Variants in NKAIN2 observed in about 807,000 individuals in gnomAD.
NKAIN2 encodes sodium/potassium-transporting ATPase subunit beta-1-interacting protein 2.
A neutral mutation model predicts 32.6 loss-of-function variants in NKAIN2; 14 were observed. The observed-to-expected ratio is 0.43, with a 90% confidence interval of 0.28 to 0.67. The LOEUF (loss-of-function observed/expected upper bound fraction) is 0.67. Ranked by LOEUF, NKAIN2 falls within the 30% of genes least tolerant of loss-of-function variation. NKAIN2 has a pLI of 0.17. For synonymous variants in NKAIN2, 80 were observed against 87.2 expected (o/e 0.92, Z 0.46); for missense variants, 198 against 258.3 (o/e 0.77, Z 1.60).
At chr6:124,448,068 TG>T (rs1562191500) in intron 3 of NKAIN2, among the ~76,000 whole-genome samples, 1 of 152,136 alleles carries the variant, frequency 6.6e-6, no homozygotes, top group African/African-American at 2.4e-5. Flanking sequence ...ACATAACATG[TG>T]GTCTGAGTTC....
chr6:124,319,977 G>A (rs1200822939), intron 2 of NKAIN2, among the ~76,000 whole-genome samples: 1 of 152,130 alleles, frequency 6.6e-6, no homozygotes, highest in Non-Finnish European at 1.5e-5. Context: ...AAAATACGTT[G>A]AAAGATGACT....
intron 3 of NKAIN2, among the ~76,000 whole-genome samples, chr6:124,392,677 T>C (rs527505242): frequency 2.6e-5 from 4 of 152,280 alleles, no homozygotes; most frequent in East Asian, 3.9e-4. Flanking sequence ...ATAAAAAGTG[T>C]ATTTATGATA....
chr6:124,508,407 T>G (rs1031079131), intron 3 of NKAIN2, among the ~76,000 whole-genome samples: 2 of 151,946 alleles, frequency 1.3e-5, no homozygotes, highest in Non-Finnish European at 2.9e-5. Flanking sequence ...TGCAGTGGCT[T>G]GATCTCGGCT....
intron 3 of NKAIN2, among the ~76,000 whole-genome samples, chr6:124,653,388 A>C (rs1784432031): frequency 6.6e-6 from 1 of 150,788 alleles, no homozygotes; most frequent in South Asian, 2.1e-4. Flanking sequence ...AAGGCAATGC[A>C]AAGGGGAAGA....
chr6:124,346,890 G>C (rs1798451225), intron 2 of NKAIN2, among the ~76,000 whole-genome samples: 1 of 151,732 alleles, frequency 6.6e-6, no homozygotes, highest in Non-Finnish European at 1.5e-5. Flanking sequence ...ATGTTAGCTG[G>C]TGATTTTGCA....
chr6:124,089,071 T>C (rs1464239472), intron 1 of NKAIN2, among the ~76,000 whole-genome samples: 2 of 152,032 alleles, frequency 1.3e-5, no homozygotes, highest in Non-Finnish European at 2.9e-5. Flanking sequence ...TTAACTAATA[T>C]ATAAAATTTT....
chr6:123,928,338 C>G (rs527340231), intron 1 of NKAIN2, among the ~76,000 whole-genome samples: 15 of 152,222 alleles, frequency 9.9e-5, no homozygotes, highest in African/African-American at 3.6e-4. Flanking sequence ...CAATTGTACC[C>G]TAAACCTCAG....
rs888957680 is a variant in NKAIN2, at chr6:124,481,215, A to G, written c.273+125868A>G. 1.9e-4 allele frequency among the ~76,000 whole-genome samples: 29 copies of G among 151,286 alleles called. 1 individual carries two copies. The highest frequency in any genetic ancestry group is 7.0e-4 in the African/African-American group (29 of 41,152). ...ACAGTGGAACACCCAATGAAAAGAAACTATCTTAAGAATTATAATAAGTAG... is the reference window on the plus strand; with the variant it reads ...ACAGTGGAACACCCAATGAAAAGAAGCTATCTTAAGAATTATAATAAGTAG... On this transcript the variant is annotated intron_variant, in intron 3 of 6. Transcript: ENST00000368417.
chr6:124,795,179 G>A (rs771218305), intron 5 of NKAIN2, among the ~76,000 whole-genome samples: 9 of 152,130 alleles, frequency 5.9e-5, no homozygotes, highest in Admixed American at 2.0e-4. Flanking sequence ...GAGGAACAGC[G>A]GACAGTTTTG....
intron 3 of NKAIN2, among the ~76,000 whole-genome samples, chr6:124,435,993 A>C (rs1325395776): frequency 6.6e-6 from 1 of 152,148 alleles, no homozygotes; most frequent in Non-Finnish European, 1.5e-5. Flanking sequence ...CTACGGACGA[A>C]ATATTCACTT....
At chr6:124,515,390 GC>G (rs1203336226) in intron 3 of NKAIN2, among the ~76,000 whole-genome samples, 5 of 151,940 alleles carry the variant, frequency 3.3e-5, no homozygotes, top group African/African-American at 1.2e-4. Flanking sequence ...GTTTAAAAGA[GC>G]CTAGCACCTC....
At position 124,158,126 on chromosome 6, in the gene NKAIN2, C is replaced by T. The variant is rs569582831; in HGVS notation, c.55-124879C>T. 5.8e-4 allele frequency among the ~76,000 whole-genome samples: 88 copies of T among 152,274 alleles called. 1 individual carries two copies. Among genetic ancestry groups the T allele is most frequent in the Middle Eastern group, 3.4e-3 (1 of 294 alleles). ...CTTAAACAACAACAATTTATTTTCT[C>T]ACAGTTCAAATGTCAAAGTGCCAGC... On this transcript the variant is annotated intron_variant, in intron 1 of 6. Coordinates refer to ENST00000368417, the MANE Select transcript of NKAIN2 (RefSeq NM_001040214.3).
intron 1 of NKAIN2, among the ~76,000 whole-genome samples, chr6:124,083,706 C>T (rs2067338051): frequency 6.6e-6 from 1 of 151,978 alleles, no homozygotes; most frequent in Non-Finnish European, 1.5e-5. Context: ...AGCAATTGGT[C>T]TTGGTCTGTA....
intron 1 of NKAIN2, among the ~76,000 whole-genome samples, chr6:124,099,076 A>G (rs566520366): frequency 1.3e-5 from 2 of 152,258 alleles, no homozygotes; most frequent in South Asian, 2.1e-4. Context: ...TCCAAATGAT[A>G]TAGTCCTAGT....
At chr6:123,850,722 A>AT (rs554212262) in intron 1 of NKAIN2, among the ~76,000 whole-genome samples, 7 of 152,260 alleles carry the variant, frequency 4.6e-5, no homozygotes, top group East Asian at 1.9e-4. Context: ...TCACACGCTT[A>AT]TTTTTTTGTG....
At chr6:124,274,125 A>C (rs1389979507) in intron 1 of NKAIN2, among the ~76,000 whole-genome samples, 1 of 152,212 alleles carries the variant, frequency 6.6e-6, no homozygotes, top group South Asian at 2.1e-4. Context: ...TTTATAGTAC[A>C]ACTCCAGATA....
At chr6:124,738,745 T>G (rs1036368709) in intron 4 of NKAIN2, among the ~76,000 whole-genome samples, 1 of 151,846 alleles carries the variant, frequency 6.6e-6, no homozygotes, top group South Asian at 2.1e-4. Flanking sequence ...TGAGAGTCAT[T>G]TGGGGAAAAT....
intron 1 of NKAIN2, among the ~76,000 whole-genome samples, chr6:124,264,222 A>G (rs1794379740): frequency 6.6e-6 from 1 of 152,156 alleles, no homozygotes; most frequent in African/African-American, 2.4e-5. Flanking sequence ...ATTTAGTAGT[A>G]TTTTGTTTAA....
chr6:123,938,737 A>G (rs975644001), intron 1 of NKAIN2, among the ~76,000 whole-genome samples: 6 of 150,766 alleles, frequency 4.0e-5, no homozygotes, highest in Non-Finnish European at 7.4e-5. Flanking sequence ...GAGTCCATCT[A>G]TAGAATCATG....
Sources: gnomAD v4.1 joint callset for allele counts (sites outside exome capture counted in the v4.1 genomes callset) on GRCh38, gnomAD v4.1.1 for gene constraint, MANE v1.5 for transcripts, NCBI Gene and HGNC (gene_info 2026-07-23, HGNC 2026-07-21) for gene names.